NT5DC1: variants seen among roughly 807,000 people sequenced by gnomAD.
The protein encoded by NT5DC1 is 5'-nucleotidase domain-containing protein 1.
NT5DC1 carries 42 observed loss-of-function variants against 59.4 expected under a neutral mutation model. The observed-to-expected ratio is 0.71, with a 90% CI of 0.55 to 0.92. NT5DC1 has a LOEUF of 0.92. Ranked by LOEUF, NT5DC1 falls within the 40% of genes least tolerant of loss-of-function variation. NT5DC1 has a pLI of 0.00. For synonymous variants in NT5DC1, 172 were observed against 188.1 expected (o/e 0.91, Z 0.70); for missense variants, 501 against 537.1 (o/e 0.93, Z 0.66).
intron 1 of NT5DC1, among the ~76,000 whole-genome samples, chr6:116,105,895 G>A (rs1778757351): frequency 6.6e-6 from 1 of 151,902 alleles, no homozygotes; most frequent in African/African-American, 2.4e-5. Context: ...TGGATAGAGT[G>A]GTCATCATCT....
At chr6:116,162,365 G>A (rs1365008407) in intron 6 of NT5DC1, among the ~76,000 whole-genome samples, 1 of 152,124 alleles carries the variant, frequency 6.6e-6, no homozygotes, top group East Asian at 1.9e-4. Context: ...AGTTCTTAAA[G>A]GAAATGCTTT....
intron 6 of NT5DC1, among the ~76,000 whole-genome samples, chr6:116,128,354 G>A (rs1399967722): frequency 6.6e-6 from 1 of 152,060 alleles, no homozygotes. Context: ...CCACCCAATT[G>A]TGTATTTAAA....
intron 6 of NT5DC1, among the ~76,000 whole-genome samples, chr6:116,141,926 A>ACT (rs1554195173): frequency 9.4e-5 from 14 of 148,808 alleles, no homozygotes; most frequent in African/African-American, 3.5e-4. Flanking sequence ...ACACACACAC[A>ACT]CTGTAAATGT....
At chr6:116,110,052 A>T (rs980532753) in intron 3 of NT5DC1, among the ~76,000 whole-genome samples, 7 of 152,222 alleles carry the variant, frequency 4.6e-5, no homozygotes, top group African/African-American at 1.4e-4. Context: ...GAAAATATAA[A>T]ATATAACAAT....
intron 4 of NT5DC1, among the ~76,000 whole-genome samples, chr6:116,114,994 A>T (rs544635765): frequency 2.7e-4 from 41 of 152,292 alleles, no homozygotes; most frequent in African/African-American, 9.9e-4. Context: ...GGCCAAGGGG[A>T]TGTGACATGG....
chr6:116,134,167 G>A (rs889889108), intron 6 of NT5DC1, among the ~76,000 whole-genome samples: 2 of 152,176 alleles, frequency 1.3e-5, no homozygotes, highest in Non-Finnish European at 2.9e-5. Flanking sequence ...GACCATACTG[G>A]TGTCAAAGAG....
chr6:116,115,787 T>A lies in NT5DC1; in HGVS notation c.444+17T>A, dbSNP rs1490378982. 2.3e-6 allele frequency: 3 copies of A among 1,290,016 alleles called. No individual in the cohort carries two copies. The allele number at this position is 1,290,016 out of a possible 1,614,324, so 79.9% of individuals were successfully genotyped here. ...TTAACAAAAGTAAGTGGGGACTCAT[T>A]TTTTAAAACTATGATATGTAGTCAG... On this transcript the variant is annotated intron_variant, in intron 5 of 11. Transcript: ENST00000319550.
chr6:116,108,242 A>G (rs187659369), intron 2 of NT5DC1, 122 bp from the exon 3 acceptor site: 377 of 674,488 alleles, frequency 5.6e-4, no homozygotes, highest in African/African-American at 4.7e-3. Flanking sequence ...TGTGATTAAC[A>G]TATCATTCCC....
intron 6 of NT5DC1, among the ~76,000 whole-genome samples, chr6:116,198,772 C>G (rs1198783200): frequency 6.6e-6 from 1 of 151,866 alleles, no homozygotes; most frequent in African/African-American, 2.4e-5. Context: ...AGTCTCTTAT[C>G]TGATTTGAGA....
chr6:116,121,963 T>G, intron 6 of NT5DC1: 1 of 1,611,028 alleles, frequency 6.2e-7, no homozygotes, highest in Non-Finnish European at 8.5e-7. Flanking sequence ...CTGCTATACC[T>G]AAAAGACACA....
intron 6 of NT5DC1, among the ~76,000 whole-genome samples, chr6:116,214,978 T>TG (rs1781662307): frequency 6.6e-6 from 1 of 151,874 alleles, no homozygotes; most frequent in African/African-American, 2.4e-5. Context: ...GTCTCTAGGG[T>TG]GGGGGGCATA....
At chr6:116,239,230 T>C in intron 11 of NT5DC1, 107 bp downstream of exon 11, 1 of 864,084 alleles carries the variant, frequency 1.2e-6, no homozygotes, top group South Asian at 1.6e-5. Context: ...CATTGATTTA[T>C]CTTTGGGGAA....
At position 116,221,479 on chromosome 6, in the gene NT5DC1, C is replaced by G. The variant is rs73566450; in HGVS notation, c.704+251C>G. On this transcript the variant is annotated intron_variant, in intron 7 of 11. Transcript: ENST00000319550. ...ACCGAATGTCCAGGTTTTAGGTTTT[C>G]TAGAAGGTGGTAAACTGTATATCCT... Among the ~76,000 whole-genome samples, 275 of 152,254 alleles carry G rather than the reference C, an allele frequency of 1.8e-3. 1 individual carries two copies. The highest frequency in any genetic ancestry group is 6.3e-3 in the African/African-American group (262 of 41,552).
chr6:116,167,466 C>T (rs1168262683), intron 6 of NT5DC1, among the ~76,000 whole-genome samples: 1 of 152,040 alleles, frequency 6.6e-6, no homozygotes, highest in African/African-American at 2.4e-5. Context: ...CTTGCCTTGG[C>T]CTCCCAAAGT....
intron 6 of NT5DC1, among the ~76,000 whole-genome samples, chr6:116,208,979 T>C (rs1781516814): frequency 6.6e-6 from 1 of 152,036 alleles, no homozygotes; most frequent in Non-Finnish European, 1.5e-5. Context: ...TTATGTTGTC[T>C]TTCATTAGTT....
chr6:116,191,288 A>G (rs948940415), intron 6 of NT5DC1, among the ~76,000 whole-genome samples: 12 of 152,070 alleles, frequency 7.9e-5, no homozygotes, highest in African/African-American at 2.9e-4. Flanking sequence ...TCAAGATGCA[A>G]AACAAGGAAG....
chr6:116,148,213 T>C (rs144600120), intron 6 of NT5DC1, among the ~76,000 whole-genome samples: 8 of 152,206 alleles, frequency 5.3e-5, no homozygotes, highest in African/African-American at 1.7e-4. Flanking sequence ...ATTGAGTAAG[T>C]TGGGGACAGG....
intron 6 of NT5DC1, among the ~76,000 whole-genome samples, chr6:116,126,971 A>G (rs182606682): frequency 9.2e-5 from 14 of 152,294 alleles, no homozygotes; most frequent in Admixed American, 7.8e-4. Context: ...CTGTTTAACA[A>G]TATTAGGAAG....
chr6:116,209,085 A>T (rs540989678), intron 6 of NT5DC1, among the ~76,000 whole-genome samples: 1 of 152,046 alleles, frequency 6.6e-6, no homozygotes, highest in Non-Finnish European at 1.5e-5. Flanking sequence ...TTCTTTTGGT[A>T]CTTTCTAGTA....
Sources: gnomAD v4.1 joint callset for allele counts (sites outside exome capture counted in the v4.1 genomes callset) on GRCh38, gnomAD v4.1.1 for gene constraint, MANE v1.5 for transcripts, NCBI Gene and HGNC (gene_info 2026-07-23, HGNC 2026-07-21) for gene names.